The following FAT4 variants were observed in gnomAD, a reference collection of about 807,000 sequenced individuals.
FAT4 encodes FAT atypical cadherin 4.
In FAT4, 84 loss-of-function variants were observed where a neutral mutation model predicts 303.9. The ratio of observed to expected loss-of-function variants is 0.28; its 90% CI spans 0.23 to 0.33. The LOEUF (loss-of-function observed/expected upper bound fraction) is 0.33, where lower values mean the gene tolerates loss of function less well. Ranked by LOEUF, FAT4 falls within the 10% of genes least tolerant of loss-of-function variation. FAT4 has a pLI of 1.00. For missense variants in FAT4, 6,005 were observed against 6,146.8 expected (o/e 0.98, Z 0.77); for synonymous variants, 2,307 against 2,298.8 (o/e 1.00, Z -0.10).
At chr4:125,432,725 C>T (rs1310489767) in intron 7 of FAT4, among the ~76,000 whole-genome samples, 3 of 151,662 alleles carry the variant, frequency 2.0e-5, no homozygotes, top group African/African-American at 7.3e-5. Flanking sequence ...AAGTCATAAA[C>T]TTTATGTTAA....
At chr4:125,454,016 C>G (rs552413053) in intron 10 of FAT4, among the ~76,000 whole-genome samples, 1 of 152,022 alleles carries the variant, frequency 6.6e-6, no homozygotes, top group African/African-American at 2.4e-5. Context: ...TTGATAAGTT[C>G]GAGGAGAGCA....
At chr4:125,423,600 C>A (rs1158973360) in intron 7 of FAT4, among the ~76,000 whole-genome samples, 1 of 152,220 alleles carries the variant, frequency 6.6e-6, no homozygotes, top group Admixed American at 6.5e-5. Context: ...TATATGCCTG[C>A]TGGGGCATTG....
chr4:125,343,302 T>C (rs1205933757), intron 2 of FAT4, among the ~76,000 whole-genome samples: 3 of 152,096 alleles, frequency 2.0e-5, no homozygotes, highest in Non-Finnish European at 2.9e-5. Context: ...ACCATATCTC[T>C]GCTATTTTAG....
intron 11 of FAT4, among the ~76,000 whole-genome samples, chr4:125,464,467 C>G (rs1015057417): frequency 1.3e-5 from 2 of 150,842 alleles, no homozygotes; most frequent in African/African-American, 4.9e-5. Context: ...GAATCCATCT[C>G]CAAATGACTC....
At chr4:125,459,684 G>A (rs960676799) in intron 10 of FAT4, among the ~76,000 whole-genome samples, 3 of 152,038 alleles carry the variant, frequency 2.0e-5, no homozygotes, top group African/African-American at 4.8e-5. Context: ...ATAAATGCCT[G>A]TCTTTGTGCA....
intron 2 of FAT4, among the ~76,000 whole-genome samples, chr4:125,364,418 A>T (rs1442756317): frequency 1.3e-5 from 2 of 152,116 alleles, no homozygotes; most frequent in East Asian, 1.9e-4. Context: ...TCTATTAAGA[A>T]AGCCAGTTAT....
rs1420053575 is a variant in FAT4 at position 125,492,208 on chromosome 4, C to T, written c.*440C>T. 1 of 159,466 alleles carries T rather than the reference C, an allele frequency of 6.3e-6. No individual in the cohort carries two copies. The highest frequency in any genetic ancestry group is 2.4e-5 in the African/African-American group (1 of 41,484). The allele number at this position is 159,466 out of a possible 1,614,324, so 9.9% of individuals were successfully genotyped here. A position where few individuals can be genotyped will look rare whatever the true frequency, so the allele number is the denominator to read the frequency against. On this transcript the variant is annotated 3_prime_UTR_variant, in exon 18 of 18. Transcript: ENST00000394329. ...AATCCTTGTAAAGTGTAAAAAGGAA[C>T]CCTCCTATCGTGGAATGAAAGATTA...
In FAT4 at chr4:125,490,948, C is replaced by T; in HGVS notation, c.14132C>T (p.Ser4711Phe). The T allele has an allele frequency of 3.1e-6, 5 of 1,614,218 alleles. No homozygotes were observed. Among genetic ancestry groups the T allele is most frequent in the Non-Finnish European group, 1.7e-6 (2 of 1,180,026 alleles). ...SRHSPAPFSKSSTFYRNSPAR... is the reference protein window; with the variant it reads ...SRHSPAPFSKFSTFYRNSPAR... ...CACAGTCCAGCCCCTTTCTCCAAATCTTCTACGTTCTATAGAAACAGCCCA... is the reference window on the plus strand; with the variant it reads ...CACAGTCCAGCCCCTTTCTCCAAATTTTCTACGTTCTATAGAAACAGCCCA... The change falls in exon 18 of 18, where the codon TCT becomes TTT. Residue 4711 changes from serine to phenylalanine, a missense_variant. Transcript: ENST00000394329.
chr4:125,463,688 GATATAAA>G, intron 11 of FAT4, 21 bp downstream of exon 11: 1 of 1,451,794 alleles, frequency 6.9e-7, no homozygotes, highest in Non-Finnish European at 9.4e-7. Context: ...CTTATTTGTT[GATATAAA>G]ATATAAGTTT....
chr4:125,335,536 T>C (rs1255722783), intron 2 of FAT4, among the ~76,000 whole-genome samples: 2 of 152,122 alleles, frequency 1.3e-5, no homozygotes, highest in Non-Finnish European at 2.9e-5. Context: ...TTCCATTAGT[T>C]AATAATATAA....
chr4:125,379,269 G>A (rs1175830137), intron 2 of FAT4, among the ~76,000 whole-genome samples: 2 of 150,692 alleles, frequency 1.3e-5, no homozygotes, highest in African/African-American at 2.4e-5. Context: ...TTTAAAGTAG[G>A]AAGTACACTG....
rs188553763 is a variant in FAT4, at chr4:125,325,659, A to C, written c.5175+4073A>C. Among the ~76,000 whole-genome samples, 255 of 152,344 alleles carry C rather than the reference A, an allele frequency of 1.7e-3. 1 individual carries two copies. Among genetic ancestry groups the C allele is most frequent in the African/African-American group, 5.8e-3 (242 of 41,582 alleles). On this transcript the variant is annotated intron_variant, in intron 2 of 17. Transcript: ENST00000394329. ...GTGCACATATTGCTTTGTGTCACAC[A>C]GGATATTGAAAAGACATCAAAGTTG...
Position 125,463,678 on chromosome 4 carries a change from C to T in FAT4, c.11905+11C>T, listed in dbSNP as rs1578675025. On this transcript the variant is annotated intron_variant, in intron 11 of 17. Coordinates refer to ENST00000394329, the MANE Select transcript of FAT4 (RefSeq NM_001291303.3). ...GTCATTGTCCATTTGGTGAGTAAAA[C>T]TTATTTGTTGATATAAAATATAAGT... 6.7e-7 allele frequency: 1 copy of T among 1,495,132 alleles called. No homozygotes were observed. Among genetic ancestry groups the T allele is most frequent in the Non-Finnish European group, 9.1e-7 (1 of 1,100,342 alleles). The allele number at this position is 1,495,132 out of a possible 1,614,324, so 92.6% of individuals were successfully genotyped here. A position where few individuals can be genotyped will look rare whatever the true frequency, so the allele number is the denominator to read the frequency against.
chr4:125,319,361 G>C lies in FAT4; in HGVS notation c.2950G>C (p.Val984Leu), dbSNP rs767810544. The C allele has an allele frequency of 6.2e-7, 1 of 1,612,408 alleles. No individual in the cohort carries two copies. The highest frequency in any genetic ancestry group is 1.3e-5 in the African/African-American group (1 of 74,854). Residue 984 changes from valine (V) to leucine (L), a missense_variant, in exon 2 of 18, where the codon GTT becomes CTT. Transcript: ENST00000394329. ...GCTCTCCTCTAGTGTCATCTTAACA[G>C]TTTATGTCCATGATGTAAATGACAA... ...PQLSSSVILTVYVHDVNDNSP... is the reference protein window; with the variant it reads ...PQLSSSVILTLYVHDVNDNSP...
At chr4:125,403,928 A>T (rs1349966283) in intron 3 of FAT4, among the ~76,000 whole-genome samples, 2 of 152,148 alleles carry the variant, frequency 1.3e-5, no homozygotes, top group East Asian at 3.9e-4. Context: ...CCATGAATTG[A>T]TTCAGAGCAA....
chr4:125,453,512 T>C (rs1227143374), intron 10 of FAT4, among the ~76,000 whole-genome samples: 1 of 151,968 alleles, frequency 6.6e-6, no homozygotes, highest in Admixed American at 6.6e-5. Flanking sequence ...ATCGAGACCA[T>C]CCTGGCCAAC....
chr4:125,373,002 A>T (rs796556786), intron 2 of FAT4, among the ~76,000 whole-genome samples: 2 of 152,312 alleles, frequency 1.3e-5, no homozygotes, highest in African/African-American at 2.4e-5. Context: ...TATTTGAAAT[A>T]AAAATAGCTT....
At chr4:125,432,645 A>G (rs1725320621) in intron 7 of FAT4, among the ~76,000 whole-genome samples, 1 of 152,202 alleles carries the variant, frequency 6.6e-6, no homozygotes, top group Admixed American at 6.5e-5. Flanking sequence ...TTCATTATGC[A>G]TATTACCAAT....
intron 3 of FAT4, among the ~76,000 whole-genome samples, chr4:125,403,050 A>C (rs1342195711): frequency 6.6e-6 from 1 of 152,148 alleles, no homozygotes; most frequent in East Asian, 1.9e-4. Flanking sequence ...CATTTGCAGA[A>C]GTCTAAGTCA....
Sources: gnomAD v4.1 joint callset for allele counts (sites outside exome capture counted in the v4.1 genomes callset) on GRCh38, gnomAD v4.1.1 for gene constraint, MANE v1.5 for transcripts, NCBI Gene and HGNC (gene_info 2026-07-23, HGNC 2026-07-21) for gene names.